KDSR: variants seen among roughly 807,000 people sequenced by gnomAD.
KDSR encodes 3-dehydrosphinganine reductase.
In KDSR, 23 loss-of-function variants were observed where a neutral mutation model predicts 41.3. The ratio of observed to expected loss-of-function variants is 0.56; its 90% CI spans 0.40 to 0.79. The LOEUF (loss-of-function observed/expected upper bound fraction) is 0.79, where lower values mean the gene tolerates loss of function less well. KDSR is among the 30% of genes least tolerant of loss of function. KDSR has a pLI of 0.00. For synonymous variants in KDSR, 138 were observed against 151.7 expected, an observed-to-expected ratio of 0.91 and a Z score of 0.66; for missense variants, 351 against 416.8, an observed-to-expected ratio of 0.84 and a Z score of 1.37.
chr18:63,334,628 C>A (rs965923956), intron 9 of KDSR, among the ~76,000 whole-genome samples: 1 of 152,144 alleles, frequency 6.6e-6, no homozygotes, highest in Non-Finnish European at 1.5e-5. Context: ...GGATTACAGG[C>A]GTGAGCCACC....
Position 63,350,985 on chromosome 18 carries a change from A to G in KDSR, c.512T>C (p.Val171Ala), listed in dbSNP as rs201014559. 764 of 1,614,094 alleles carry G rather than the reference A, an allele frequency of 4.7e-4. 2 individuals are homozygous for G. The highest frequency in any genetic ancestry group is 6.1e-4 in the Non-Finnish European group (715 of 1,180,006). The change falls in exon 6 of 10, where the codon GTG (valine) becomes GCG (alanine). Residue 171 changes from valine to alanine, a missense_variant. Val to Ala is a moderately conservative substitution (Grantham distance 64). Transcript: ENST00000645214. ...TCCCAACTGTCCTGCCTGGGAGGAC[A>G]CAAACACGATCCTGCCCACCCGGCG... ...KERRVGRIVFVSSQAGQLGLF... is the reference protein window; with the variant it reads ...KERRVGRIVFASSQAGQLGLF...
chr18:63,351,499 T>C (rs1248105092), intron 5 of KDSR, among the ~76,000 whole-genome samples: 1 of 152,196 alleles, frequency 6.6e-6, no homozygotes, highest in Admixed American at 6.5e-5. Flanking sequence ...AGGAGGGTGA[T>C]TTAAAGTTTT....
chr18:63,366,850 G>C (rs1364182796), intron 1 of KDSR, among the ~76,000 whole-genome samples, 161 bp downstream of exon 1: 3 of 152,196 alleles, frequency 2.0e-5, no homozygotes, highest in Admixed American at 2.0e-4. Flanking sequence ...CCGGGGCCGG[G>C]GGAAAAGCGC....
At chr18:63,351,657 C>T (rs970253572) in intron 5 of KDSR, among the ~76,000 whole-genome samples, 5 of 152,202 alleles carry the variant, frequency 3.3e-5, no homozygotes, top group Admixed American at 6.5e-5. Context: ...AAAACACAAG[C>T]GCTAGCACAG....
intron 1 of KDSR, 119 bp downstream of exon 1, chr18:63,366,891 AT>A (rs1599344096): frequency 6.4e-6 from 3 of 467,194 alleles, no homozygotes. Flanking sequence ...GACCTTCCCC[AT>A]TTGGCCATGC....
intron 3 of KDSR, among the ~76,000 whole-genome samples, chr18:63,359,105 G>A (rs2144376412): frequency 6.9e-6 from 1 of 144,546 alleles, no homozygotes; most frequent in East Asian, 2.2e-4. Context: ...CTTGAGCCCA[G>A]GAGGTCGAGG....
intron 6 of KDSR, among the ~76,000 whole-genome samples, chr18:63,349,086 C>T (rs758461392): frequency 1.1e-4 from 17 of 152,168 alleles, no homozygotes; most frequent in Admixed American, 2.0e-4. Context: ...CTTTACAAAA[C>T]TTTATAAAAT....
At chr18:63,362,747 C>T in intron 2 of KDSR, 32 bp downstream of exon 2, 1 of 1,437,716 alleles carries the variant, frequency 7.0e-7, no homozygotes, top group Non-Finnish European at 9.8e-7. Flanking sequence ...GTCGAAGAAG[C>T]AAGTCAGTAA....
chr18:63,346,330 T>C (rs1914501173), intron 6 of KDSR: 1 of 152,290 alleles, frequency 6.6e-6, no homozygotes, highest in Non-Finnish European at 1.5e-5. Context: ...TAGTGACTTA[T>C]AAAAACCTTG....
At chr18:63,337,017 G>A (rs1381279103) in intron 8 of KDSR, among the ~76,000 whole-genome samples, 1 of 150,050 alleles carries the variant, frequency 6.7e-6, no homozygotes, top group Non-Finnish European at 1.5e-5. Flanking sequence ...CTGAACTTTT[G>A]TTTTGAAAAG....
At chr18:63,343,195 T>C (rs1914394820) in intron 7 of KDSR, among the ~76,000 whole-genome samples, 1 of 151,988 alleles carries the variant, frequency 6.6e-6, no homozygotes. Context: ...CCTTCCACCT[T>C]AGCCTCCTGA....
Position 63,367,089 on chromosome 18 carries a change from C to A in KDSR, c.30G>T (p.Val10=). The A allele has an allele frequency of 7.5e-7, 1 of 1,336,832 alleles. No homozygotes were observed. The highest frequency in any genetic ancestry group is 9.6e-7 in the Non-Finnish European group (1 of 1,039,422). The allele number at this position is 1,336,832 out of a possible 1,614,324, so 82.8% of individuals were successfully genotyped here. ...CCATGTACAGCAGCAGCACGAAGGCCACGAGGAAGGCGGCAGCCAGCAGCA... is the reference window on the plus strand; with the variant it reads ...CCATGTACAGCAGCAGCACGAAGGCAACGAGGAAGGCGGCAGCCAGCAGCA... MLLLAAAFL[V]AFVLLLYMVS... is the part of the protein sequence containing the mutation. Residue 10 remains valine (V), a synonymous_variant, in exon 1 of 10, where the codon GTG becomes GTT. Coordinates refer to ENST00000645214, the MANE Select transcript of KDSR (RefSeq NM_002035.4).
chr18:63,361,413 G>A (rs1339329247), intron 2 of KDSR, among the ~76,000 whole-genome samples: 1 of 151,798 alleles, frequency 6.6e-6, no homozygotes, highest in Admixed American at 6.6e-5. Flanking sequence ...TCAAATTTGT[G>A]TTTTCATTTA....
chr18:63,328,875 C>A lies in KDSR; in HGVS notation c.*2907G>T, dbSNP rs981111553. 2.1e-5 allele frequency: 4 copies of A among 188,450 alleles called. No individual in the cohort carries two copies. The highest frequency in any genetic ancestry group is 9.4e-5 in the African/African-American group (4 of 42,770). The allele number at this position is 188,450 out of a possible 1,614,324, so 11.7% of individuals were successfully genotyped here. ...AAATCAAAAAGCAGCCACTTAAAAA[C>A]TGAAATTCACAAAATGAGCTGTTCT... On this transcript the variant is annotated 3_prime_UTR_variant, in exon 10 of 10. Transcript: ENST00000645214.
chr18:63,335,311 C>T lies in KDSR; in HGVS notation c.825G>A (p.Ser275=), dbSNP rs560475341. The stretch of plus-strand genomic sequence containing the variant: ...CTGGAGCCATCCCACAGGTCAGGGC[C>T]GAGAGCATGTACCCATCTGAGCCAA... ...SSLGSDGYML[S]ALTCGMAPVT... Residue 275 remains serine (S), a synonymous_variant, in exon 9 of 10, where the codon TCG becomes TCA. Transcript: ENST00000645214. 1.7e-5 allele frequency: 28 copies of T among 1,613,804 alleles called. No individual in the cohort carries two copies. The highest frequency in any genetic ancestry group is 1.0e-4 in the Admixed American group (6 of 59,980).
rs1432485356 is a variant in KDSR at position 63,328,730 on chromosome 18, A to G, written c.*3052T>C. On this transcript the variant is annotated 3_prime_UTR_variant, in exon 10 of 10. Transcript: ENST00000645214. Reference sequence around the variant, plus strand: ...TGATTTTGTTTTTGTAAAAAGAAGTAAGGATTGTTTTCTATATATTTTTCA... The same window carrying G: ...TGATTTTGTTTTTGTAAAAAGAAGTGAGGATTGTTTTCTATATATTTTTCA... 3 of 178,916 alleles carry G rather than the reference A, an allele frequency of 1.7e-5. No individual in the cohort carries two copies. Among genetic ancestry groups the G allele is most frequent in the Non-Finnish European group, 3.6e-5 (3 of 83,448 alleles). 11.1% of individuals were successfully genotyped at this position (178,916 alleles called of 1,614,324 possible).
chr18:63,334,087 G>A (rs1467380213), intron 9 of KDSR, among the ~76,000 whole-genome samples: 1 of 152,170 alleles, frequency 6.6e-6, no homozygotes, highest in Non-Finnish European at 1.5e-5. Context: ...GCAAACAAGA[G>A]GTGTGGGCCT....
At chr18:63,352,681 T>G (rs1454061172) in intron 5 of KDSR, among the ~76,000 whole-genome samples, 1 of 152,114 alleles carries the variant, frequency 6.6e-6, no homozygotes, top group Non-Finnish European at 1.5e-5. Flanking sequence ...CTATGCTATT[T>G]AAGTTTAAAA....
chr18:63,365,169 C>A (rs998863882), intron 1 of KDSR, among the ~76,000 whole-genome samples: 10 of 152,254 alleles, frequency 6.6e-5, no homozygotes, highest in African/African-American at 2.4e-4. Flanking sequence ...CGCGATGGCT[C>A]GCGCCTGTAA....
Sources: allele counts gnomAD v4.1 joint callset (sites outside exome capture counted in the v4.1 genomes callset), GRCh38; gene constraint gnomAD v4.1.1; transcripts MANE v1.5; gene names NCBI Gene and HGNC (gene_info 2026-07-23, HGNC 2026-07-21).